Variants in RHBDD1 observed in about 807,000 individuals in gnomAD.
RHBDD1 encodes the protein rhomboid-related protein 4.
Under a neutral mutation model 36.3 loss-of-function variants are expected in RHBDD1, and 38 were observed. The observed-to-expected ratio is 1.05, with a 90% CI of 0.81 to 1.37. The LOEUF (loss-of-function observed/expected upper bound fraction) is 1.37, where lower values mean the gene tolerates loss of function less well. Ranked by LOEUF, RHBDD1 falls within the 40% of genes most tolerant of loss-of-function variation. The pLI is 0.00. For missense variants in RHBDD1, 393 were observed against 377.6 expected (o/e 1.04, Z -0.34); for synonymous variants, 151 against 136.5 (o/e 1.11, Z -0.74).
chr2:226,853,241 C>G (rs1248268436), intron 3 of RHBDD1, among the ~76,000 whole-genome samples: 1 of 152,212 alleles, frequency 6.6e-6, no homozygotes, highest in Non-Finnish European at 1.5e-5. Context: ...TCACTGACAT[C>G]TCTTCTAAAT....
chr2:226,811,582 C>T, the RHBDD1 span, among the ~76,000 whole-genome samples: 1 of 152,170 alleles, frequency 6.6e-6, no homozygotes, highest in African/African-American at 2.4e-5. Flanking sequence ...GGATTACAGG[C>T]GTGAGCCACC....
intron 8 of RHBDD1, among the ~76,000 whole-genome samples, chr2:226,945,341 G>T (rs1196456495): frequency 6.6e-6 from 1 of 151,898 alleles, no homozygotes; most frequent in Non-Finnish European, 1.5e-5. Flanking sequence ...CCGGGTGTGT[G>T]ATGTTCCCCT....
intron 5 of RHBDD1, 111 bp downstream of exon 5, chr2:226,867,429 T>A: frequency 7.9e-7 from 1 of 1,271,558 alleles, no homozygotes; most frequent in Non-Finnish European, 1.1e-6. Context: ...GTTTATTCTT[T>A]ATCTATTAGG....
intron 4 of RHBDD1, 88 bp downstream of exon 4, chr2:226,865,214 C>G: frequency 9.6e-7 from 1 of 1,046,812 alleles, no homozygotes. Context: ...GGGTCCCTAT[C>G]AAATTCTGAG....
intron 8 of RHBDD1, among the ~76,000 whole-genome samples, chr2:226,942,820 A>G (rs1682544576): frequency 6.6e-6 from 1 of 152,200 alleles, no homozygotes; most frequent in African/African-American, 2.4e-5. Context: ...TTCCTTTTAG[A>G]AAAGAAATGA....
chr2:226,924,747 G>C (rs1949559436), intron 8 of RHBDD1, among the ~76,000 whole-genome samples: 1 of 152,194 alleles, frequency 6.6e-6, no homozygotes, highest in Non-Finnish European at 1.5e-5. Context: ...CTCACTCCCT[G>C]GGTGCTGGCT....
intron 1 of RHBDD1, among the ~76,000 whole-genome samples, chr2:226,836,806 C>T (rs962003412): frequency 6.6e-6 from 1 of 152,190 alleles, no homozygotes; most frequent in Admixed American, 6.5e-5. Flanking sequence ...AAGGCTTTAT[C>T]TAATTTCTCA....
At chr2:226,913,105 C>CAATTAATGCAATT (rs1948636595) in intron 7 of RHBDD1, among the ~76,000 whole-genome samples, 1 of 152,092 alleles carries the variant, frequency 6.6e-6, no homozygotes, top group Non-Finnish European at 1.5e-5. Context: ...CATGAAATCT[C>CAATTAATGCAATT]AATTAATGCA....
At chr2:226,928,175 C>G (rs1349481679) in intron 8 of RHBDD1, among the ~76,000 whole-genome samples, 1 of 152,002 alleles carries the variant, frequency 6.6e-6, no homozygotes, top group African/African-American at 2.4e-5. Context: ...AATATTTCAG[C>G]ACCATTTGTA....
At chr2:226,866,556 T>C (rs927634592) in intron 4 of RHBDD1, among the ~76,000 whole-genome samples, 3 of 152,240 alleles carry the variant, frequency 2.0e-5, no homozygotes, top group African/African-American at 7.2e-5. Context: ...AGCTGTGTGA[T>C]GCATTGTCTC....
At chr2:226,808,062 G>C in the RHBDD1 span, among the ~76,000 whole-genome samples, 409 of 152,222 alleles carry the variant, frequency 2.7e-3, 1 homozygote, top group African/African-American at 8.6e-3. Context: ...TAGACTGTTG[G>C]GGGGAGGACA....
chr2:226,859,390 G>A (rs1455741185), intron 3 of RHBDD1, among the ~76,000 whole-genome samples: 5 of 152,138 alleles, frequency 3.3e-5, no homozygotes, highest in African/African-American at 1.2e-4. Flanking sequence ...GTTACCTAGA[G>A]GTGATTTGAA....
At chr2:226,928,560 C>G (rs944597596) in intron 8 of RHBDD1, among the ~76,000 whole-genome samples, 1 of 151,866 alleles carries the variant, frequency 6.6e-6, no homozygotes, top group Non-Finnish European at 1.5e-5. Flanking sequence ...TCTGAAAGAT[C>G]ACAAATTGAC....
At chr2:226,906,652 A>C (rs1161817801) in intron 5 of RHBDD1, 141 bp from the exon 6 acceptor site, 25 of 1,515,950 alleles carry the variant, frequency 1.6e-5, no homozygotes, top group African/African-American at 2.8e-5. Context: ...ACTGAGTTAA[A>C]TGCTGCTTAG....
the RHBDD1 span, among the ~76,000 whole-genome samples, chr2:226,829,008 G>A: frequency 6.6e-6 from 1 of 152,036 alleles, no homozygotes; most frequent in African/African-American, 2.4e-5. Flanking sequence ...ATTTTTTCTA[G>A]AAATTTTATA....
chr2:226,935,660 C>G (rs1950287469), intron 8 of RHBDD1, among the ~76,000 whole-genome samples: 1 of 151,496 alleles, frequency 6.6e-6, no homozygotes, highest in African/African-American at 2.4e-5. Flanking sequence ...ATGAAGGAAT[C>G]GAATTGGTTA....
chr2:226,945,080 C>T (rs1384803315), intron 8 of RHBDD1, among the ~76,000 whole-genome samples: 1 of 151,602 alleles, frequency 6.6e-6, no homozygotes, highest in Non-Finnish European at 1.5e-5. Flanking sequence ...TTGTGAAGGG[C>T]TCAGTATGAT....
intron 8 of RHBDD1, among the ~76,000 whole-genome samples, chr2:226,971,516 C>T (rs1575329019): frequency 6.6e-6 from 1 of 152,302 alleles, no homozygotes; most frequent in Admixed American, 6.5e-5. Context: ...AAAGAATAGA[C>T]TACCAGCTTA....
intron 8 of RHBDD1, among the ~76,000 whole-genome samples, chr2:226,953,144 G>C (rs931047737): frequency 2.6e-5 from 4 of 152,148 alleles, no homozygotes; most frequent in African/African-American, 9.7e-5. Context: ...ACAATACGGT[G>C]AATTTTAATG....
Sources: gnomAD v4.1 joint callset for allele counts (sites outside exome capture counted in the v4.1 genomes callset) on GRCh38, gnomAD v4.1.1 for gene constraint, MANE v1.5 for transcripts, NCBI Gene and HGNC (gene_info 2026-07-23, HGNC 2026-07-21) for gene names.